LPAR3: variants seen among roughly 807,000 people sequenced by gnomAD.
LPAR3 encodes LPA receptor 3.
Under a neutral mutation model 17.8 loss-of-function variants are expected in LPAR3, and 7 were observed. That is an observed-to-expected ratio of 0.39 (90% confidence interval 0.22 to 0.74). LPAR3 has a LOEUF of 0.74. LPAR3 is among the 30% of genes least tolerant of loss of function. LPAR3 has a pLI of 0.40. For synonymous variants in LPAR3, 179 were observed against 179.9 expected (o/e 0.99, Z 0.04); for missense variants, 391 against 453.4 (o/e 0.86, Z 1.25).
intron 1 of LPAR3, among the ~76,000 whole-genome samples, chr1:84,892,035 AACCCCG>A (rs1660561037): frequency 6.6e-6 from 1 of 151,926 alleles, no homozygotes; most frequent in Non-Finnish European, 1.5e-5. Context: ...AACACAGTGG[AACCCCG>A]TCTCTACTAA....
chr1:84,887,917 C>A (rs1428442123), intron 1 of LPAR3, among the ~76,000 whole-genome samples: 5 of 152,020 alleles, frequency 3.3e-5, no homozygotes, highest in Non-Finnish European at 5.9e-5. Flanking sequence ...GTAGAAGAGA[C>A]ATTTGGGGGA....
In LPAR3 at chr1:84,865,422, T is replaced by C. The variant is rs1461520483; in HGVS notation, c.699A>G (p.Thr233=). 5 of 1,613,978 alleles carry C rather than the reference T, an allele frequency of 3.1e-6. No homozygotes were observed. The highest frequency in any genetic ancestry group is 1.6e-4 in the Middle Eastern group (1 of 6,062). ...HTSGSISRRR[T]PMKLMKTVMT... is the part of the protein sequence containing the mutation. ...TCACCGTCTTCATTAGCTTCATGGG[T>C]GTCCTCCGGCGGCTGATGGACCCAC... is the stretch of plus-strand genomic sequence containing the variant. The change falls in exon 2 of 3, where the codon ACA becomes ACG. Residue 233 remains threonine, a synonymous_variant. Transcript: ENST00000370611.
chr1:84,865,760 G>C lies in LPAR3; in HGVS notation c.361C>G (p.Leu121Val), dbSNP rs751357953. The change falls in exon 2 of 3, where the codon CTG becomes GTG. Residue 121 changes from leucine to valine, a missense_variant. Transcript: ENST00000370611. ...ATGTGCCTCTCCACGGCGATAACCAGCAAGTTGGTGAGGGAAGCAGTCAAG... is the reference window on the plus strand; with the variant it reads ...ATGTGCCTCTCCACGGCGATAACCACCAAGTTGGTGAGGGAAGCAGTCAAG... ...SSLTASLTNLLVIAVERHMSI... is the reference protein window; with the variant it reads ...SSLTASLTNLVVIAVERHMSI... The C allele has an allele frequency of 1.9e-6, 3 of 1,614,232 alleles. No homozygotes were observed. Among genetic ancestry groups the C allele is most frequent in the East Asian group, 2.2e-5 (1 of 44,892 alleles).
chr1:84,867,636 T>A (rs1431169499), intron 1 of LPAR3, among the ~76,000 whole-genome samples: 1 of 152,078 alleles, frequency 6.6e-6, no homozygotes, highest in Non-Finnish European at 1.5e-5. Context: ...TAAATATCAT[T>A]TTATATGCTT....
At chr1:84,859,904 C>T (rs1301465395) in intron 2 of LPAR3, among the ~76,000 whole-genome samples, 2 of 152,200 alleles carry the variant, frequency 1.3e-5, no homozygotes, top group Non-Finnish European at 2.9e-5. Flanking sequence ...ATAAATTAGA[C>T]GTTTCCATGT....
chr1:84,842,069 A>C (rs1659514657), intron 2 of LPAR3, among the ~76,000 whole-genome samples: 1 of 152,162 alleles, frequency 6.6e-6, no homozygotes, highest in Non-Finnish European at 1.5e-5. Flanking sequence ...AGTGAAGAGA[A>C]AGAATTTCCT....
At chr1:84,823,874 G>A (rs537245705) in intron 2 of LPAR3, among the ~76,000 whole-genome samples, 4 of 152,160 alleles carry the variant, frequency 2.6e-5, no homozygotes, top group Admixed American at 6.5e-5. Context: ...GCAGCTATTT[G>A]CCTGGTATAA....
intron 1 of LPAR3, among the ~76,000 whole-genome samples, chr1:84,885,196 G>A (rs1351204422): frequency 1.3e-5 from 2 of 152,174 alleles, no homozygotes; most frequent in East Asian, 3.8e-4. Flanking sequence ...GCACAGGCCA[G>A]CTCTCCACAA....
chr1:84,830,080 C>A (rs1344013559), intron 2 of LPAR3, among the ~76,000 whole-genome samples: 1 of 152,114 alleles, frequency 6.6e-6, no homozygotes. Flanking sequence ...AGAATGTCAC[C>A]GGAGCCAGGG....
At chr1:84,859,109 T>G (rs1659885577) in intron 2 of LPAR3, among the ~76,000 whole-genome samples, 1 of 152,184 alleles carries the variant, frequency 6.6e-6, no homozygotes, top group African/African-American at 2.4e-5. Context: ...CTTAACTACT[T>G]GCTTGGCAGG....
At chr1:84,859,254 C>T (rs1437437113) in intron 2 of LPAR3, among the ~76,000 whole-genome samples, 1 of 152,170 alleles carries the variant, frequency 6.6e-6, no homozygotes. Flanking sequence ...TTCCTCCTAG[C>T]ATGAGAACTT....
intron 2 of LPAR3, among the ~76,000 whole-genome samples, chr1:84,835,631 A>G (rs891079983): frequency 6.6e-6 from 1 of 152,186 alleles, no homozygotes; most frequent in African/African-American, 2.4e-5. Context: ...TTTGCCACTT[A>G]CAAGCAATTT....
chr1:84,867,798 T>C (rs1467795322), intron 1 of LPAR3, among the ~76,000 whole-genome samples: 1 of 152,126 alleles, frequency 6.6e-6, no homozygotes, highest in African/African-American at 2.4e-5. Flanking sequence ...AATAAATTCA[T>C]GATAATATCA....
intron 2 of LPAR3, among the ~76,000 whole-genome samples, chr1:84,861,831 T>G (rs548407170): frequency 1.3e-5 from 2 of 152,320 alleles, no homozygotes; most frequent in African/African-American, 4.8e-5. Flanking sequence ...TTGCATGACT[T>G]CTCTTATCCT....
intron 2 of LPAR3, among the ~76,000 whole-genome samples, chr1:84,856,424 G>T (rs564585899): frequency 2.9e-4 from 44 of 152,248 alleles, no homozygotes; most frequent in South Asian, 1.2e-3. Context: ...ACAGATATTT[G>T]ATTACTAAGG....
At chr1:84,826,211 TA>T (rs943293483) in intron 2 of LPAR3, among the ~76,000 whole-genome samples, 5 of 151,536 alleles carry the variant, frequency 3.3e-5, no homozygotes, top group Admixed American at 2.6e-4. Context: ...AGCTATATCT[TA>T]AAAAAAGAAT....
chr1:84,857,161 C>T (rs555434072), intron 2 of LPAR3, among the ~76,000 whole-genome samples: 56 of 152,228 alleles, frequency 3.7e-4, no homozygotes, highest in African/African-American at 1.3e-3. Flanking sequence ...GGCTTCTAGT[C>T]CCTGTGTCCA....
At chr1:84,868,419 A>T (rs944943294) in intron 1 of LPAR3, among the ~76,000 whole-genome samples, 2 of 152,182 alleles carry the variant, frequency 1.3e-5, no homozygotes, top group African/African-American at 4.8e-5. Flanking sequence ...CTGAGAGATC[A>T]TATTTTTAAT....
chr1:84,870,611 G>C (rs890731560), intron 1 of LPAR3, among the ~76,000 whole-genome samples: 3 of 152,092 alleles, frequency 2.0e-5, no homozygotes, highest in Non-Finnish European at 4.4e-5. Flanking sequence ...TAATATTTGA[G>C]TGCTTATCTG....
Sources: allele counts gnomAD v4.1 joint callset (sites outside exome capture counted in the v4.1 genomes callset), GRCh38; gene constraint gnomAD v4.1.1; transcripts MANE v1.5; gene names NCBI Gene and HGNC (gene_info 2026-07-23, HGNC 2026-07-21).